The following CD74 variants were observed in gnomAD, a reference collection of about 807,000 sequenced individuals.
The protein encoded by CD74 is HLA class II histocompatibility antigen gamma chain.
A neutral mutation model predicts 37.1 loss-of-function variants in CD74; 20 were observed. The observed-to-expected ratio is 0.54, with a 90% confidence interval of 0.38 to 0.78. CD74 has a LOEUF of 0.78. Ranked by LOEUF, CD74 falls within the 30% of genes least tolerant of loss-of-function variation. The probability of loss-of-function intolerance (pLI) is 0.00; values close to 1 mark genes in which losing one functional copy is unlikely to be tolerated. For synonymous variants in CD74, 150 were observed against 152.0 expected (o/e 0.99, Z 0.10); for missense variants, 338 against 389.5 (o/e 0.87, Z 1.11).
rs2151170687 is a variant in CD74, at chr5:150,403,390, A to T, written c.626-78T>A. ...GGTCTGAGCAGAGCTAAAGACCCAC[A>T]CACCACTGCTGTGGGCTTAATGCCT... is the stretch of plus-strand genomic sequence containing the variant. On this transcript the variant is annotated intron_variant, in intron 6 of 8. Coordinates refer to ENST00000009530, the MANE Select transcript of CD74 (RefSeq NM_001025159.3). This position sits in a 1 kb window ranked among gnomAD's most constrained non-coding sequence, Gnocchi z 4.5. 1 of 1,275,730 alleles carries T rather than the reference A, an allele frequency of 7.8e-7. No individual in the cohort carries two copies. The highest frequency in any genetic ancestry group is 1.2e-5 in the South Asian group (1 of 82,416). 79.0% of individuals were successfully genotyped at this position (1,275,730 alleles called of 1,614,324 possible).
Position 150,402,409 on chromosome 5 carries a change from C to T in CD74, c.880+154G>A, listed in dbSNP as rs2151166588. On this transcript the variant is annotated intron_variant, in intron 8 of 8. Coordinates refer to ENST00000009530, the MANE Select transcript of CD74 (RefSeq NM_001025159.3). This position sits in a 1 kb window ranked among gnomAD's most constrained non-coding sequence, Gnocchi z 4.2. ...CATCATGGATTTGTGTAACTCCCCA[C>T]AGCCCCCCAACCCTGTTCCTTCGTC... 1 of 896,820 alleles carries T rather than the reference C, an allele frequency of 1.1e-6. No individual in the cohort carries two copies. The highest frequency in any genetic ancestry group is 1.9e-6 in the Non-Finnish European group (1 of 539,204). 55.6% of individuals were successfully genotyped at this position (896,820 alleles called of 1,614,324 possible).
chr5:150,403,943 C>T lies in CD74; in HGVS notation c.626-631G>A, dbSNP rs1202532048. 1.3e-5 allele frequency among the ~76,000 whole-genome samples: 2 copies of T among 152,234 alleles called. No individual in the cohort carries two copies. Among genetic ancestry groups the T allele is most frequent in the African/African-American group, 4.8e-5 (2 of 41,458 alleles). On this transcript the variant is annotated intron_variant, in intron 6 of 8. Coordinates refer to ENST00000009530, the MANE Select transcript of CD74 (RefSeq NM_001025159.3). The surrounding 1 kb of genome is among the most constrained non-coding windows in gnomAD (Gnocchi z 4.5). ...GATTCTAGAGAAAAGCAATGGGCAC[C>T]TTGGTAAGTCTAAGCTTCCTGTTAC...
At position 150,403,223 on chromosome 5, in the gene CD74, G is replaced by A; in HGVS notation, c.715C>T (p.Leu239=). ...ATGCTCCCATAGCACTGGAGTGGCAGATAGTTGCCGTTCTCGTCGCACTTG... is the reference window on the plus strand; with the variant it reads ...ATGCTCCCATAGCACTGGAGTGGCAAATAGTTGCCGTTCTCGTCGCACTTG... ...RPKCDENGNY[L]PLQCYGSIGY... is the part of the protein sequence containing the mutation. The change falls in exon 7 of 9, where the codon CTG becomes TTG. Residue 239 remains leucine, a synonymous_variant. Transcript: ENST00000009530. The surrounding 1 kb of genome is among the most constrained non-coding windows in gnomAD (Gnocchi z 4.5). The A allele has an allele frequency of 6.2e-7, 1 of 1,614,034 alleles. No individual in the cohort carries two copies. The highest frequency in any genetic ancestry group is 1.7e-5 in the Admixed American group (1 of 60,032).
chr5:150,404,630 G>A (rs1769838781), intron 6 of CD74, 50 bp downstream of exon 6: 1 of 1,195,516 alleles, frequency 8.4e-7, no homozygotes, highest in Non-Finnish European at 1.2e-6. Context: ...CTTCAGGAGA[G>A]CCCCGAGGGT....
intron 5 of CD74, 115 bp downstream of exon 5, chr5:150,404,970 A>C: frequency 9.4e-7 from 1 of 1,059,116 alleles, no homozygotes. Flanking sequence ...AGTGCTGGTA[A>C]ACCCCTTCAG....
In CD74 at chr5:150,401,738, T is replaced by C; in HGVS notation, c.*502A>G. 1.7e-6 allele frequency: 1 copy of C among 593,200 alleles called. No homozygotes were observed. The highest frequency in any genetic ancestry group is 3.0e-6 in the Non-Finnish European group (1 of 332,910). The allele number at this position is 593,200 out of a possible 1,614,324, so 36.7% of individuals were successfully genotyped here. On this transcript the variant is annotated 3_prime_UTR_variant, in exon 9 of 9. Coordinates refer to ENST00000009530, the MANE Select transcript of CD74 (RefSeq NM_001025159.3). ...AACTAGGGGTCGGCAGAAAGGATTATGGGTGGAAAACATTGGCTCTTCCTT... is the reference window on the plus strand; with the variant it reads ...AACTAGGGGTCGGCAGAAAGGATTACGGGTGGAAAACATTGGCTCTTCCTT...
rs1432365299 is a variant in CD74 at position 150,403,036 on chromosome 5, C to A, written c.817+85G>T. ...AGCTGCCATCCTGGGTGTCCTGGTCCCATGTGCTTCAGAGGGGACCTCTTG... is the reference window on the plus strand; with the variant it reads ...AGCTGCCATCCTGGGTGTCCTGGTCACATGTGCTTCAGAGGGGACCTCTTG... On this transcript the variant is annotated intron_variant, in intron 7 of 8. Coordinates refer to ENST00000009530, the MANE Select transcript of CD74 (RefSeq NM_001025159.3). This position sits in a 1 kb window ranked among gnomAD's most constrained non-coding sequence, Gnocchi z 4.5. 5.0e-6 allele frequency: 6 copies of A among 1,199,446 alleles called. No individual in the cohort carries two copies. The African/African-American group carries it at 9.0e-5, about 18-fold the overall frequency. The allele number at this position is 1,199,446 out of a possible 1,614,324, so 74.3% of individuals were successfully genotyped here.
At chr5:150,406,388 C>T (rs1395643393) in intron 3 of CD74, 67 bp from the exon 4 acceptor site, 21 of 1,298,998 alleles carry the variant, frequency 1.6e-5, no homozygotes, top group Admixed American at 3.4e-5. Context: ...GAGCAGGAGC[C>T]GGTTGCTGGG....
At position 150,412,805 on chromosome 5, in the gene CD74, A is replaced by AT; in HGVS notation, c.-57dup. ...AAAGTCGGTGCTGGAGAGGAATCTGATTCGTCCACAGAAGGCCACTCCGCC... is the reference window on the plus strand; with the variant it reads ...AAAGTCGGTGCTGGAGAGGAATCTGATTTCGTCCACAGAAGGCCACTCCGCC... On this transcript the variant is annotated 5_prime_UTR_variant, in exon 1 of 9. Coordinates refer to ENST00000009530, the MANE Select transcript of CD74 (RefSeq NM_001025159.3). 1 of 1,609,126 alleles carries AT rather than the reference A, an allele frequency of 6.2e-7. No homozygotes were observed. The highest frequency in any genetic ancestry group is 8.5e-7 in the Non-Finnish European group (1 of 1,178,268).
chr5:150,407,450 A>C lies in CD74; in HGVS notation c.126-126T>G. The C allele has an allele frequency of 1.4e-6, 1 of 691,686 alleles. No individual in the cohort carries two copies. Among genetic ancestry groups the C allele is most frequent in the Non-Finnish European group, 2.4e-6 (1 of 424,178 alleles). The allele number at this position is 691,686 out of a possible 1,614,324, so 42.8% of individuals were successfully genotyped here. On this transcript the variant is annotated intron_variant, in intron 1 of 8. Coordinates refer to ENST00000009530, the MANE Select transcript of CD74 (RefSeq NM_001025159.3). The surrounding 1 kb of genome is among the most constrained non-coding windows in gnomAD (Gnocchi z 4.4). ...ACCCCTAAGCCACCCCTAATAAACA[A>C]TGCATTTGAAGCACAAACAGTAAGC...
At chr5:150,404,237 G>A (rs2151174470) in intron 6 of CD74, among the ~76,000 whole-genome samples, 1 of 152,222 alleles carries the variant, frequency 6.6e-6, no homozygotes, top group East Asian at 1.9e-4. Flanking sequence ...AAACATCCTA[G>A]TCTGCATTGT....
Position 150,412,769 on chromosome 5 carries a change from G to A in CD74, c.-20C>T, listed in dbSNP as rs372726927. 2 of 1,613,496 alleles carry A rather than the reference G, an allele frequency of 1.2e-6. No homozygotes were observed. Among genetic ancestry groups the A allele is most frequent in the Non-Finnish European group, 1.7e-6 (2 of 1,179,818 alleles). ...GTGCATCTGGGACCCTGACCCCCCG[G>A]CTCGCCTCTTAAAGTCGGTGCTGGA... On this transcript the variant is annotated 5_prime_UTR_variant, in exon 1 of 9. Coordinates refer to ENST00000009530, the MANE Select transcript of CD74 (RefSeq NM_001025159.3).
At chr5:150,404,898 G>A in intron 5 of CD74, 131 bp from the exon 6 acceptor site, 1 of 824,844 alleles carries the variant, frequency 1.2e-6, no homozygotes, top group African/African-American at 1.7e-5. Flanking sequence ...GCTGCAGCCT[G>A]GTTCCCTCTT....
intron 1 of CD74, among the ~76,000 whole-genome samples, chr5:150,409,350 A>C (rs2151183734): frequency 6.6e-6 from 1 of 151,708 alleles, no homozygotes; most frequent in Admixed American, 6.6e-5. Context: ...AACGTGGTGA[A>C]ACCCTGTCTC....
chr5:150,406,977 G>T lies in CD74; in HGVS notation c.299-17C>A. ...GCTTGGGAGCTGTGGGGACAGGAACGAGGGTAAGTGTGGCCCCGGTGCCCA... is the reference window on the plus strand; with the variant it reads ...GCTTGGGAGCTGTGGGGACAGGAACTAGGGTAAGTGTGGCCCCGGTGCCCA... On this transcript the variant is annotated splice_polypyrimidine_tract_variant and intron_variant, in intron 2 of 8. Transcript: ENST00000009530. 1.3e-6 allele frequency: 2 copies of T among 1,571,248 alleles called. No individual in the cohort carries two copies. The highest frequency in any genetic ancestry group is 8.6e-7 in the Non-Finnish European group (1 of 1,163,492).
Position 150,402,526 on chromosome 5 carries a change from C to A in CD74, c.880+37G>T, listed in dbSNP as rs373538035. Reference sequence around the variant, plus strand: ...AGGAGCTGGCCCTGCTGGGGATGAGCTGCTGGTGACCAGATGCCCCTCTGC... The same window carrying A: ...AGGAGCTGGCCCTGCTGGGGATGAGATGCTGGTGACCAGATGCCCCTCTGC... On this transcript the variant is annotated intron_variant, in intron 8 of 8. Transcript: ENST00000009530. This position sits in a 1 kb window ranked among gnomAD's most constrained non-coding sequence, Gnocchi z 4.2. 57 of 1,581,676 alleles carry A rather than the reference C, an allele frequency of 3.6e-5. No homozygotes were observed. In the African/African-American group the frequency reaches 7.3e-4, roughly 20 times the overall value.
At chr5:150,412,358 T>C (rs142884166) in intron 1 of CD74, among the ~76,000 whole-genome samples, 2 of 152,352 alleles carry the variant, frequency 1.3e-5, no homozygotes, top group African/African-American at 2.4e-5. Context: ...AGAGAACCCA[T>C]GCTCTCTTCT....
In CD74 at chr5:150,407,008, G is replaced by A. The variant is rs1770006501; in HGVS notation, c.299-48C>T. ...AAGTGTGGCCCCGGTGCCCAGGGAG[G>A]AGGGTATCAGACCCAGATGAGGAAG... is the stretch of plus-strand genomic sequence containing the variant. On this transcript the variant is annotated intron_variant, in intron 2 of 8. Coordinates refer to ENST00000009530, the MANE Select transcript of CD74 (RefSeq NM_001025159.3). This position sits in a 1 kb window ranked among gnomAD's most constrained non-coding sequence, Gnocchi z 4.4. The A allele has an allele frequency of 1.3e-6, 2 of 1,539,406 alleles. No homozygotes were observed. Among genetic ancestry groups the A allele is most frequent in the Non-Finnish European group, 1.8e-6 (2 of 1,130,796 alleles).
rs2151170632 is a variant in CD74, at chr5:150,403,377, G to C, written c.626-65C>G. 2 of 1,408,958 alleles carry C rather than the reference G, an allele frequency of 1.4e-6. No homozygotes were observed. Among genetic ancestry groups the C allele is most frequent in the Non-Finnish European group, 2.0e-6 (2 of 995,790 alleles). The allele number at this position is 1,408,958 out of a possible 1,614,324, so 87.3% of individuals were successfully genotyped here. On this transcript the variant is annotated intron_variant, in intron 6 of 8. Transcript: ENST00000009530. This position sits in a 1 kb window ranked among gnomAD's most constrained non-coding sequence, Gnocchi z 4.5. ...AGCTCTGAACCAGGGTCTGAGCAGA[G>C]CTAAAGACCCACACACCACTGCTGT...
Sources: gnomAD v4.1 joint callset for allele counts (sites outside exome capture counted in the v4.1 genomes callset) on GRCh38, gnomAD v4.1.1 for gene constraint, Gnocchi (gnomAD v3.1) non-coding constraint, MANE v1.5 for transcripts, NCBI Gene and HGNC (gene_info 2026-07-23, HGNC 2026-07-21) for gene names.